SMOC2: variants seen among roughly 807,000 people sequenced by gnomAD.
SMOC2 encodes SPARC related modular calcium binding 2, also known as SPARC-related modular calcium-binding protein 2.
In SMOC2, 39 loss-of-function variants were observed where a neutral mutation model predicts 61.4. The ratio of observed to expected loss-of-function variants is 0.64; its 90% confidence interval spans 0.49 to 0.83. The LOEUF (loss-of-function observed/expected upper bound fraction) is 0.83. Ranked by LOEUF, SMOC2 falls within the 40% of genes least tolerant of loss-of-function variation. SMOC2 has a pLI of 0.00. For synonymous variants in SMOC2, 247 were observed against 239.9 expected (o/e 1.03, Z -0.27); for missense variants, 556 against 592.9 (o/e 0.94, Z 0.65).
intron 4 of SMOC2, among the ~76,000 whole-genome samples, chr6:168,533,647 C>G (rs974343920): frequency 1.1e-4 from 17 of 152,192 alleles, no homozygotes; most frequent in African/African-American, 3.9e-4. Flanking sequence ...TTGGCTTGAC[C>G]TGGAGAGCCT....
intron 9 of SMOC2, among the ~76,000 whole-genome samples, chr6:168,620,024 A>C (rs1210834198): frequency 6.6e-6 from 1 of 152,232 alleles, no homozygotes; most frequent in Non-Finnish European, 1.5e-5. Flanking sequence ...CACTGCCTTC[A>C]GGTCTTCAGA....
intron 1 of SMOC2, among the ~76,000 whole-genome samples, chr6:168,483,768 G>A (rs901833365): frequency 6.6e-6 from 1 of 152,122 alleles, no homozygotes. Flanking sequence ...CAACAGAATA[G>A]AGAGCCCAGA....
intron 11 of SMOC2, chr6:168,655,567 C>A: frequency 2.7e-6 from 1 of 376,832 alleles, no homozygotes; most frequent in Admixed American, 3.1e-5. Flanking sequence ...GATCCTACTG[C>A]ATGTGTGTAC....
chr6:168,500,179 C>T (rs367607838), intron 1 of SMOC2, among the ~76,000 whole-genome samples: 24 of 150,376 alleles, frequency 1.6e-4, no homozygotes, highest in African/African-American at 3.7e-4. Context: ...CACAGCAACT[C>T]GGGAGGCTGA....
At chr6:168,476,145 T>C (rs1782077480) in intron 1 of SMOC2, among the ~76,000 whole-genome samples, 1 of 152,164 alleles carries the variant, frequency 6.6e-6, no homozygotes. Context: ...CATCTCCAAC[T>C]GTGCAGAGGC....
At chr6:168,504,556 A>G (rs1473236921) in intron 1 of SMOC2, among the ~76,000 whole-genome samples, 1 of 151,946 alleles carries the variant, frequency 6.6e-6, no homozygotes, top group Non-Finnish European at 1.5e-5. Context: ...TCAGGGTAAT[A>G]TGAGCAATGA....
chr6:168,499,052 C>T (rs1172204604), intron 1 of SMOC2, among the ~76,000 whole-genome samples: 9 of 114,062 alleles, frequency 7.9e-5, no homozygotes, highest in African/African-American at 3.3e-4. Context: ...TCTGGGGGGA[C>T]AGCCAGGGCC....
At chr6:168,500,598 G>A (rs964886113) in intron 1 of SMOC2, among the ~76,000 whole-genome samples, 21 of 152,098 alleles carry the variant, frequency 1.4e-4, no homozygotes, top group Non-Finnish European at 8.8e-5. Context: ...AGGGACCCCG[G>A]GTGGCTACGC....
intron 4 of SMOC2, among the ~76,000 whole-genome samples, chr6:168,537,484 T>C (rs945890685): frequency 6.6e-6 from 1 of 152,250 alleles, no homozygotes; most frequent in Non-Finnish European, 1.5e-5. Flanking sequence ...TCTGTCCTAA[T>C]ACAGCACTCT....
At chr6:168,647,896 T>G (rs897344803) in intron 9 of SMOC2, among the ~76,000 whole-genome samples, 1 of 152,200 alleles carries the variant, frequency 6.6e-6, no homozygotes, top group African/African-American at 2.4e-5. Flanking sequence ...ATTTGCTGCT[T>G]CTTGTTTTAG....
At chr6:168,443,402 T>A (rs1781261746) in intron 1 of SMOC2, among the ~76,000 whole-genome samples, 1 of 152,226 alleles carries the variant, frequency 6.6e-6, no homozygotes. Context: ...TGAGACCCGC[T>A]GCATGTGGGG....
chr6:168,662,353 G>T (rs556293787), intron 11 of SMOC2, among the ~76,000 whole-genome samples: 1 of 152,206 alleles, frequency 6.6e-6, no homozygotes, highest in African/African-American at 2.4e-5. Context: ...ATGGGGGCAG[G>T]GAGGAGGCCC....
In SMOC2 at chr6:168,553,031, T is replaced by C. The variant is rs185894944; in HGVS notation, c.637+3828T>C. On this transcript the variant is annotated intron_variant, in intron 7 of 12. Coordinates refer to ENST00000356284, the MANE Select transcript of SMOC2 (RefSeq NM_001166412.2). The surrounding 1 kb of genome is among the most constrained non-coding windows in gnomAD (Gnocchi z 4.2). ...ACGGGCCCTACTGTAGCATCATTAC[T>C]CTTTTTAAAACAAGCTGAATGAAAC... Among the ~76,000 whole-genome samples the C allele has an allele frequency of 1.3e-3, 200 of 152,304 alleles. No homozygotes were observed. The highest frequency in any genetic ancestry group is 4.6e-3 in the African/African-American group (191 of 41,552).
chr6:168,485,586 A>G (rs1418187901), intron 1 of SMOC2, among the ~76,000 whole-genome samples: 2 of 152,218 alleles, frequency 1.3e-5, no homozygotes, highest in African/African-American at 4.8e-5. Context: ...CTCATATCAT[A>G]TGAGTCTCTA....
chr6:168,567,225 T>C (rs560836023), intron 7 of SMOC2, among the ~76,000 whole-genome samples: 17 of 152,350 alleles, frequency 1.1e-4, no homozygotes, highest in Non-Finnish European at 2.1e-4. Flanking sequence ...AAAATACTTC[T>C]TTGGGAAGAG....
At chr6:168,572,201 C>T (rs1392783395) in intron 7 of SMOC2, among the ~76,000 whole-genome samples, 7 of 62,836 alleles carry the variant, frequency 1.1e-4, no homozygotes, top group Admixed American at 9.4e-4. Flanking sequence ...GTGCCGGGAC[C>T]AGGGCTGCGT....
chr6:168,447,660 CAA>C (rs893362004), intron 1 of SMOC2, among the ~76,000 whole-genome samples: 2 of 152,104 alleles, frequency 1.3e-5, no homozygotes, highest in Non-Finnish European at 2.9e-5. Context: ...CCAATAATAA[CAA>C]AGTTTCTGAA....
At chr6:168,454,940 G>A (rs1008189173) in intron 1 of SMOC2, among the ~76,000 whole-genome samples, 2 of 152,032 alleles carry the variant, frequency 1.3e-5, no homozygotes, top group Non-Finnish European at 2.9e-5. Context: ...ATAGTGTGGG[G>A]CCGAGGGTCG....
intron 1 of SMOC2, among the ~76,000 whole-genome samples, chr6:168,441,948 C>T (rs1442369717): frequency 6.6e-6 from 1 of 152,214 alleles, no homozygotes; most frequent in Non-Finnish European, 1.5e-5. Flanking sequence ...CCACGGGGAC[C>T]CGGCCTGGAG....
Sources: allele counts gnomAD v4.1 joint callset (sites outside exome capture counted in the v4.1 genomes callset), GRCh38; gene constraint gnomAD v4.1.1; non-coding constraint Gnocchi (gnomAD v3.1); transcripts MANE v1.5; gene names NCBI Gene and HGNC (gene_info 2026-07-23, HGNC 2026-07-21).